Variants in ANKH observed in about 807,000 individuals in gnomAD.
ANKH encodes mineralization regulator ANKH.
ANKH carries 15 observed loss-of-function variants against 49.0 expected under a neutral mutation model. The observed-to-expected ratio is 0.31, with a 90% confidence interval of 0.20 to 0.47. The LOEUF (loss-of-function observed/expected upper bound fraction) is 0.47. Among genes scored for constraint, ANKH ranks in the 20% least tolerant of loss-of-function variants. The probability of loss-of-function intolerance (pLI) is 1.00; values close to 1 mark genes in which losing one functional copy is unlikely to be tolerated. For synonymous variants in ANKH, 273 were observed against 260.0 expected (o/e 1.05, Z -0.48); for missense variants, 429 against 652.0 (o/e 0.66, Z 3.72).
chr5:14,781,217 C>T (rs1739795131), intron 1 of ANKH, among the ~76,000 whole-genome samples: 4 of 152,208 alleles, frequency 2.6e-5, no homozygotes, highest in Admixed American at 2.6e-4. Flanking sequence ...CTAAATGAGA[C>T]TCCCTCACTC....
rs765631807 is a variant in ANKH at position 14,769,203 on chromosome 5, G to GA, written c.97-13dup. 6 of 1,604,900 alleles carry GA rather than the reference G, an allele frequency of 3.7e-6. No individual in the cohort carries two copies. In the Admixed American group the frequency reaches 5.1e-5, roughly 14 times the overall value. The stretch of plus-strand genomic sequence containing the variant: ...CCCCGGTTCAAGGCCTGGGAAGGGG[G>GA]AAAAAAACCCACAAGCATTAGAAAT... On this transcript the variant is annotated splice_polypyrimidine_tract_variant and intron_variant, in intron 1 of 11. Coordinates refer to ENST00000284268, the MANE Select transcript of ANKH (RefSeq NM_054027.6).
In ANKH at chr5:14,735,553, C is replaced by T. The variant is rs117638647; in HGVS notation, c.1011+6274G>A. Among the ~76,000 whole-genome samples, 375 of 152,286 alleles carry T rather than the reference C, an allele frequency of 2.5e-3. 5 individuals carry two copies. The highest frequency in any genetic ancestry group is 0.016 in the East Asian group (84 of 5,178). On this transcript the variant is annotated intron_variant, in intron 8 of 11. Transcript: ENST00000284268. Reference sequence around the variant, plus strand: ...ACACAAACTGGGTGACTCTGAGCAACAGAAAATTACTGCCCCACAGTTCTG... The same window carrying T: ...ACACAAACTGGGTGACTCTGAGCAATAGAAAATTACTGCCCCACAGTTCTG...
chr5:14,848,083 T>G (rs1216842790), intron 1 of ANKH, among the ~76,000 whole-genome samples: 1 of 152,180 alleles, frequency 6.6e-6, no homozygotes, highest in Non-Finnish European at 1.5e-5. Flanking sequence ...GAGGTTGCAG[T>G]GAGCTGAGAC....
chr5:14,752,958 G>A (rs1439298058), intron 4 of ANKH, among the ~76,000 whole-genome samples: 1 of 152,206 alleles, frequency 6.6e-6, no homozygotes, highest in East Asian at 1.9e-4. Flanking sequence ...GAAATACACA[G>A]GAAGCTTCTC....
chr5:14,823,404 C>A (rs1462387291), intron 1 of ANKH, among the ~76,000 whole-genome samples: 1 of 152,104 alleles, frequency 6.6e-6, no homozygotes, highest in African/African-American at 2.4e-5. Context: ...AAGGAGAGAT[C>A]CTGTTTATAA....
chr5:14,838,124 A>T (rs869266373), intron 1 of ANKH, among the ~76,000 whole-genome samples: 2 of 152,076 alleles, frequency 1.3e-5, no homozygotes, highest in Non-Finnish European at 2.9e-5. Flanking sequence ...GGGGTGGGGG[A>T]AGGGCGGAGG....
intron 1 of ANKH, among the ~76,000 whole-genome samples, chr5:14,849,901 G>A (rs1038198860): frequency 1.3e-5 from 2 of 152,038 alleles, no homozygotes; most frequent in Non-Finnish European, 2.9e-5. Context: ...GGGTGGTCAG[G>A]AGCCTTCCTC....
chr5:14,755,509 C>G (rs1459106788), intron 4 of ANKH, among the ~76,000 whole-genome samples: 1 of 152,172 alleles, frequency 6.6e-6, no homozygotes, highest in Non-Finnish European at 1.5e-5. Context: ...ACGCAGAGGG[C>G]ACCCAGGCAA....
At chr5:14,721,702 G>A (rs1308707664) in intron 8 of ANKH, among the ~76,000 whole-genome samples, 1 of 152,092 alleles carries the variant, frequency 6.6e-6, no homozygotes, top group African/African-American at 2.4e-5. Flanking sequence ...AGGCCAAGGT[G>A]GGAGGATCAC....
chr5:14,715,407 A>T (rs1322176502), intron 9 of ANKH, among the ~76,000 whole-genome samples: 2 of 152,122 alleles, frequency 1.3e-5, no homozygotes, highest in Non-Finnish European at 2.9e-5. Context: ...CTGGAATTAC[A>T]GGCATAAGCC....
Position 14,711,399 on chromosome 5 carries a change from G to A in ANKH, c.1366-89C>T, listed in dbSNP as rs1271767615. 4.4e-6 allele frequency: 5 copies of A among 1,135,234 alleles called. No homozygotes were observed. In the African/African-American group the frequency reaches 7.6e-5, roughly 17 times the overall value. 70.3% of individuals were successfully genotyped at this position (1,135,234 alleles called of 1,614,324 possible). On this transcript the variant is annotated intron_variant, in intron 11 of 11. Coordinates refer to ENST00000284268, the MANE Select transcript of ANKH (RefSeq NM_054027.6). ...AGCAGGGAGACAACACCGGGGTCTTGGGGGACCCCTCACTGTAGGCTTAAA... is the reference window on the plus strand; with the variant it reads ...AGCAGGGAGACAACACCGGGGTCTTAGGGGACCCCTCACTGTAGGCTTAAA...
intron 6 of ANKH, among the ~76,000 whole-genome samples, chr5:14,746,304 T>C (rs1013189003): frequency 6.6e-6 from 1 of 151,246 alleles, no homozygotes; most frequent in South Asian, 2.1e-4. Flanking sequence ...TTTTTTTTTT[T>C]CCTTCTCTCT....
In ANKH at chr5:14,709,661, C is replaced by CAGTT. The variant is rs1391626606; in HGVS notation, c.*1532_*1535dup. 6.6e-6 allele frequency: 1 copy of CAGTT among 152,472 alleles called. No individual in the cohort carries two copies. Among genetic ancestry groups the CAGTT allele is most frequent in the Non-Finnish European group, 1.5e-5 (1 of 68,030 alleles). 9.4% of individuals were successfully genotyped at this position (152,472 alleles called of 1,614,324 possible). A position where few individuals can be genotyped will look rare whatever the true frequency, so the allele number is the denominator to read the frequency against. On this transcript the variant is annotated 3_prime_UTR_variant, in exon 12 of 12. Transcript: ENST00000284268. Reference sequence around the variant, plus strand: ...CTACTCCAGTGACCCATTTATTCCCCAGTTACCCATAATGAAAAATAGTTC... The same window carrying CAGTT: ...CTACTCCAGTGACCCATTTATTCCCCAGTTAGTTACCCATAATGAAAAATAGTTC...
At chr5:14,862,746 C>T (rs955889084) in intron 1 of ANKH, among the ~76,000 whole-genome samples, 2 of 152,294 alleles carry the variant, frequency 1.3e-5, no homozygotes, top group South Asian at 2.1e-4. Flanking sequence ...AGGTGTTTCA[C>T]GTATGTTTTC....
At chr5:14,775,472 A>G (rs1408896116) in intron 1 of ANKH, among the ~76,000 whole-genome samples, 1 of 152,234 alleles carries the variant, frequency 6.6e-6, no homozygotes, top group African/African-American at 2.4e-5. Context: ...CACAATTTTC[A>G]GACTGTGATT....
chr5:14,857,594 G>A (rs1735318164), intron 1 of ANKH, among the ~76,000 whole-genome samples: 2 of 152,046 alleles, frequency 1.3e-5, no homozygotes, highest in African/African-American at 4.8e-5. Context: ...GGAGGCGGAG[G>A]TTGCAGTGAG....
Position 14,710,471 on chromosome 5 carries a change from G to A in ANKH, c.*726C>T, listed in dbSNP as rs2126389197. 1 of 153,468 alleles carries A rather than the reference G, an allele frequency of 6.5e-6. No individual in the cohort carries two copies. The highest frequency in any genetic ancestry group is 2.1e-4 in the South Asian group (1 of 4,862). 9.5% of individuals were successfully genotyped at this position (153,468 alleles called of 1,614,324 possible). On this transcript the variant is annotated 3_prime_UTR_variant, in exon 12 of 12. Transcript: ENST00000284268. ...GGGGTGAGAACTGACAGCTTGCTCA[G>A]ATCTAGGAGAACGCAGAGTGAAATG...
chr5:14,743,645 T>A (rs1329941284), intron 7 of ANKH, among the ~76,000 whole-genome samples: 1 of 152,244 alleles, frequency 6.6e-6, no homozygotes, highest in Admixed American at 6.5e-5. Flanking sequence ...CAACTGTCAA[T>A]GCAGCAAATT....
intron 8 of ANKH, among the ~76,000 whole-genome samples, chr5:14,726,316 AG>A (rs1737821451): frequency 6.6e-6 from 1 of 152,196 alleles, no homozygotes; most frequent in Non-Finnish European, 1.5e-5. Flanking sequence ...CACGTAAGGA[AG>A]GAGGACAGTT....
Sources: allele counts gnomAD v4.1 joint callset (sites outside exome capture counted in the v4.1 genomes callset), GRCh38; gene constraint gnomAD v4.1.1; transcripts MANE v1.5; gene names NCBI Gene and HGNC (gene_info 2026-07-23, HGNC 2026-07-21).